Variants in ZPBP observed in about 807,000 individuals in gnomAD.
ZPBP encodes the protein zona pellucida-binding protein 1.
In ZPBP, 26 loss-of-function variants were observed where a neutral mutation model predicts 44.8. The ratio of observed to expected loss-of-function variants is 0.58; its 90% CI spans 0.43 to 0.81. The LOEUF (loss-of-function observed/expected upper bound fraction) is 0.81, where lower values mean the gene tolerates loss of function less well. ZPBP is among the 30% of genes least tolerant of loss of function. ZPBP has a pLI of 0.00. For synonymous variants in ZPBP, 174 were observed against 153.2 expected, an observed-to-expected ratio of 1.14 and a Z score of -1.00; for missense variants, 409 against 434.0, an observed-to-expected ratio of 0.94 and a Z score of 0.51.
intron 7 of ZPBP, among the ~76,000 whole-genome samples, chr7:49,966,788 A>G (rs1796080235): frequency 6.6e-6 from 1 of 152,114 alleles, no homozygotes; most frequent in Admixed American, 6.5e-5. Flanking sequence ...TGATTCACAG[A>G]TCTAGTCAAA....
intron 5 of ZPBP, among the ~76,000 whole-genome samples, chr7:50,028,498 A>G (rs191446378): frequency 3.3e-5 from 5 of 152,212 alleles, no homozygotes; most frequent in Middle Eastern, 3.4e-3. Context: ...TTGCAAGAAA[A>G]AGGTGTAAAA....
intron 7 of ZPBP, among the ~76,000 whole-genome samples, chr7:49,969,697 G>A (rs867112281): frequency 6.6e-6 from 1 of 151,774 alleles, no homozygotes; most frequent in Non-Finnish European, 1.5e-5. Context: ...CTACAAAAAT[G>A]TTAGCAAACA....
At chr7:49,934,598 A>C (rs1794563144), downstream of ZPBP, among the ~76,000 whole-genome samples, 1 of 152,198 alleles carries the variant, frequency 6.6e-6, no homozygotes, top group Admixed American at 6.5e-5. Context: ...TTTTAATGGC[A>C]CAATAATATT....
chr7:49,899,129 CACAAAGGATATGTTCT>C (rs1460819936), intron 2 of ZPBP, among the ~76,000 whole-genome samples: 1 of 151,950 alleles, frequency 6.6e-6, no homozygotes, highest in Non-Finnish European at 1.5e-5. Flanking sequence ...CCCCCTTATC[CACAAAGGATATGTTCT>C]ACAACCCCCA....
intron 7 of ZPBP, among the ~76,000 whole-genome samples, chr7:49,953,261 C>T (rs1340258253): frequency 1.3e-5 from 2 of 151,990 alleles, no homozygotes; most frequent in Non-Finnish European, 2.9e-5. Flanking sequence ...CAGAGAACCC[C>T]GGAGATTAGT....
chr7:49,900,820 A>G (rs1338911792), intron 2 of ZPBP, among the ~76,000 whole-genome samples: 1 of 151,898 alleles, frequency 6.6e-6, no homozygotes, highest in Admixed American at 6.6e-5. Flanking sequence ...AAGGAAAACT[A>G]AAGACTAATA....
chr7:49,931,358 T>C (rs1324242512), intron 1 of ZPBP, among the ~76,000 whole-genome samples: 1 of 152,216 alleles, frequency 6.6e-6, no homozygotes, highest in Non-Finnish European at 1.5e-5. Context: ...TGGAACTTTC[T>C]AGAGATGTAT....
intron 1 of ZPBP, among the ~76,000 whole-genome samples, chr7:49,932,132 G>A (rs1794468277): frequency 6.6e-6 from 1 of 152,254 alleles, no homozygotes; most frequent in Admixed American, 6.5e-5. Flanking sequence ...CCTCTGCTAA[G>A]GCAGTGTGGA....
At chr7:49,970,224 T>C (rs1235464029) in intron 7 of ZPBP, among the ~76,000 whole-genome samples, 1 of 152,010 alleles carries the variant, frequency 6.6e-6, no homozygotes, top group Non-Finnish European at 1.5e-5. Flanking sequence ...AAAAACAAAC[T>C]CAGTCTCAGC....
chr7:50,069,837 C>A (rs976071095), intron 3 of ZPBP, among the ~76,000 whole-genome samples: 1 of 152,060 alleles, frequency 6.6e-6, no homozygotes. Flanking sequence ...TAGCCTGCTG[C>A]GGCTACGAAG....
At chr7:49,971,123 C>T (rs1400130774) in intron 7 of ZPBP, among the ~76,000 whole-genome samples, 2 of 151,974 alleles carry the variant, frequency 1.3e-5, no homozygotes, top group Admixed American at 1.3e-4. Flanking sequence ...CATACAAAGA[C>T]TTATGCCATC....
intron 1 of ZPBP, among the ~76,000 whole-genome samples, chr7:49,907,319 T>C (rs1793157421): frequency 6.6e-6 from 1 of 152,170 alleles, no homozygotes; most frequent in Non-Finnish European, 1.5e-5. Flanking sequence ...CCTGACTCTA[T>C]ATGCCAGTGA....
intron 7 of ZPBP, among the ~76,000 whole-genome samples, chr7:49,946,132 A>G (rs1377462784): frequency 2.6e-5 from 4 of 151,918 alleles, no homozygotes; most frequent in Non-Finnish European, 4.4e-5. Flanking sequence ...CCCCCTTTTT[A>G]GCTTTTTGTT....
chr7:49,868,960 T>A (rs915817218), intron 2 of ZPBP, among the ~76,000 whole-genome samples: 1 of 152,242 alleles, frequency 6.6e-6, no homozygotes, highest in African/African-American at 2.4e-5. Flanking sequence ...GAAGTTTTCT[T>A]GTGTCAAATA....
rs527998397 is a variant in ZPBP, at chr7:49,893,595, G to A, written n.509+7523C>T. 6.0e-5 allele frequency among the ~76,000 whole-genome samples: 9 copies of A among 149,724 alleles called. 1 individual carries two copies. Among genetic ancestry groups the A allele is most frequent in the Admixed American group, 5.3e-4 (8 of 15,080 alleles). Reference sequence around the variant, plus strand: ...GCACAAACACATCAACATATTTTTAGTTTACTCTTAGTGAAATGAAAATGT... The same window carrying A: ...GCACAAACACATCAACATATTTTTAATTTACTCTTAGTGAAATGAAAATGT... On this transcript the variant is annotated intron_variant and non_coding_transcript_variant, in intron 2 of 2. Coordinates refer to the ZPBP transcript ENST00000465922.
chr7:49,998,823 G>C (rs7799965), intron 6 of ZPBP, among the ~76,000 whole-genome samples: 1 of 151,028 alleles, frequency 6.6e-6, no homozygotes, highest in African/African-American at 2.5e-5. Context: ...AACCGCTCTT[G>C]TTACCAAAAA....
intron 6 of ZPBP, among the ~76,000 whole-genome samples, chr7:50,015,158 G>A (rs1328963874): frequency 6.6e-6 from 1 of 151,838 alleles, no homozygotes; most frequent in African/African-American, 2.4e-5. Context: ...AAACTTCTGT[G>A]CTGAAGAAGA....
intron 2 of ZPBP, among the ~76,000 whole-genome samples, chr7:49,856,569 T>A (rs1011175762): frequency 3.3e-5 from 5 of 152,156 alleles, no homozygotes; most frequent in African/African-American, 9.7e-5. Flanking sequence ...TTTATTGAAG[T>A]ATAATTGGTA....
chr7:50,064,703 T>C (rs1801416148), intron 3 of ZPBP, among the ~76,000 whole-genome samples: 1 of 152,242 alleles, frequency 6.6e-6, no homozygotes, highest in Non-Finnish European at 1.5e-5. Context: ...AGTTTAAGGT[T>C]ATCTCTCTTA....
Sources: allele counts gnomAD v4.1 joint callset (sites outside exome capture counted in the v4.1 genomes callset), GRCh38; gene constraint gnomAD v4.1.1; transcripts MANE v1.5; gene names NCBI Gene and HGNC (gene_info 2026-07-23, HGNC 2026-07-21).